The following PCSK1 variants were observed in gnomAD, a reference collection of about 807,000 sequenced individuals.
The protein encoded by PCSK1 is proprotein convertase subtilisin/kexin type 1.
Under a neutral mutation model 90.6 loss-of-function variants are expected in PCSK1, and 56 were observed. That is an observed-to-expected ratio of 0.62 (90% CI 0.50 to 0.77). The LOEUF is 0.77. Ranked by LOEUF, PCSK1 falls within the 30% of genes least tolerant of loss-of-function variation. The probability of loss-of-function intolerance (pLI) is 0.00; values close to 1 mark genes in which losing one functional copy is unlikely to be tolerated. For missense variants in PCSK1, 801 were observed against 932.6 expected (o/e 0.86, Z 1.84); for synonymous variants, 348 against 342.4 (o/e 1.02, Z -0.18).
intron 9 of PCSK1, among the ~76,000 whole-genome samples, chr5:96,401,989 C>T (rs1760392491): frequency 6.6e-6 from 1 of 152,158 alleles, no homozygotes; most frequent in South Asian, 2.1e-4. Context: ...CTGTATTGTT[C>T]CCTGAAGCCA....
At chr5:96,416,949 C>A (rs114099619) in intron 5 of PCSK1, among the ~76,000 whole-genome samples, 1 of 152,156 alleles carries the variant, frequency 6.6e-6, no homozygotes, top group Non-Finnish European at 1.5e-5. Context: ...GGAGGGCCAA[C>A]AAGCCAAAAG....
At chr5:96,426,431 A>T (rs1761309458) in intron 2 of PCSK1, among the ~76,000 whole-genome samples, 1 of 152,126 alleles carries the variant, frequency 6.6e-6, no homozygotes, top group Admixed American at 6.5e-5. Context: ...TATCCATGCA[A>T]ATTTGAAACT....
chr5:96,411,700 G>A (rs1760759390), intron 7 of PCSK1, among the ~76,000 whole-genome samples: 1 of 152,118 alleles, frequency 6.6e-6, no homozygotes, highest in Non-Finnish European at 1.5e-5. Context: ...AAAAGCAGCA[G>A]GAAAATGAGT....
intron 9 of PCSK1, among the ~76,000 whole-genome samples, chr5:96,404,534 T>C (rs1212645545): frequency 1.3e-5 from 2 of 152,238 alleles, no homozygotes; most frequent in Non-Finnish European, 2.9e-5. Flanking sequence ...TCTGGCTATA[T>C]AACATTTAAC....
At position 96,410,856 on chromosome 5, in the gene PCSK1, C is replaced by G. The variant is rs771947876; in HGVS notation, c.1013G>C (p.Gly338Ala). Residue 338 changes from glycine to alanine, a missense_variant, in exon 8 of 14, where the codon GGC (glycine) becomes GCC (alanine). Transcript: ENST00000311106. ...CTTCTCAGCGTACCAGGGGGATAGG[C>G]CTTGCTGGGAGGCACTGCTGATGGA... ...TISISSASQQ[G>A]LSPWYAEKCS... The G allele has an allele frequency of 1.2e-6, 2 of 1,613,938 alleles. No individual in the cohort carries two copies. Among genetic ancestry groups the G allele is most frequent in the Non-Finnish European group, 1.7e-6 (2 of 1,179,948 alleles).
intron 6 of PCSK1, among the ~76,000 whole-genome samples, chr5:96,412,752 G>GTTTTTTTTTTTTTGTTTTTTTT (rs1554058734): frequency 9.7e-5 from 7 of 71,832 alleles, no homozygotes; most frequent in African/African-American, 6.3e-4. Context: ...CAGCTGTGAT[G>GTTTTTTTTTTTTTGTTTTTTTT]TTTTTTTTTT....
At chr5:96,427,349 T>C (rs1761341811) in intron 2 of PCSK1, among the ~76,000 whole-genome samples, 1 of 152,172 alleles carries the variant, frequency 6.6e-6, no homozygotes, top group Non-Finnish European at 1.5e-5. Flanking sequence ...GGCTGAATGG[T>C]ATAGAGGAAA....
rs149328976 is a variant in PCSK1 at position 96,420,396 on chromosome 5, C to T, written c.620+1484G>A. Among the ~76,000 whole-genome samples the T allele has an allele frequency of 2.0e-4, 31 of 152,282 alleles. No individual in the cohort carries two copies. In the East Asian group the frequency reaches 3.3e-3, roughly 16 times the overall value. On this transcript the variant is annotated intron_variant, in intron 5 of 13. Coordinates refer to ENST00000311106, the MANE Select transcript of PCSK1 (RefSeq NM_000439.5). ...TGTCTGAGGGTCTGCTGTAAGCTCT[C>T]GAAACACTCCCACTTTGCTCCAAAG...
At chr5:96,399,079 A>T in intron 10 of PCSK1, 43 bp from the exon 11 acceptor site, 1 of 1,464,306 alleles carries the variant, frequency 6.8e-7, no homozygotes, top group East Asian at 2.3e-5. Flanking sequence ...GTATATCCAA[A>T]CTTCCTTGCA....
At chr5:96,423,073 C>T (rs1351589158) in intron 4 of PCSK1, among the ~76,000 whole-genome samples, 4 of 152,186 alleles carry the variant, frequency 2.6e-5, no homozygotes. Flanking sequence ...GGCACTGCCC[C>T]TTCTTCTCCC....
intron 4 of PCSK1, among the ~76,000 whole-genome samples, chr5:96,422,489 C>T (rs1287832652): frequency 6.6e-6 from 1 of 152,176 alleles, no homozygotes; most frequent in Non-Finnish European, 1.5e-5. Flanking sequence ...AGACAAGCTT[C>T]CAGGCTCCAC....
At chr5:96,425,056 GAAAGAAAGAA>G (rs1023931372) in intron 3 of PCSK1, among the ~76,000 whole-genome samples, 20 of 120,526 alleles carry the variant, frequency 1.7e-4, no homozygotes, top group African/African-American at 5.7e-4. Flanking sequence ...AAGAAAGAAA[GAAAGAAAGAA>G]AGAAAGAAAA....
intron 9 of PCSK1, among the ~76,000 whole-genome samples, chr5:96,401,043 T>G (rs1271479013): frequency 8.1e-6 from 1 of 123,448 alleles, no homozygotes; most frequent in Non-Finnish European, 1.6e-5. Context: ...GCCAAGATTG[T>G]GCCACTGCAA....
At chr5:96,419,210 T>C (rs1004068860) in intron 5 of PCSK1, among the ~76,000 whole-genome samples, 4 of 151,532 alleles carry the variant, frequency 2.6e-5, no homozygotes, top group Non-Finnish European at 5.9e-5. Flanking sequence ...CAAATCAATT[T>C]GTTTAAATGC....
intron 9 of PCSK1, among the ~76,000 whole-genome samples, chr5:96,403,194 A>T (rs1290684191): frequency 1.3e-5 from 2 of 152,178 alleles, no homozygotes; most frequent in Non-Finnish European, 2.9e-5. Context: ...TGTTTTAAAA[A>T]TTTCCTTTAT....
chr5:96,406,066 T>C (rs1760549632), intron 9 of PCSK1, among the ~76,000 whole-genome samples: 1 of 152,192 alleles, frequency 6.6e-6, no homozygotes, highest in African/African-American at 2.4e-5. Context: ...CCCTCATCAC[T>C]GACCCCAACA....
In PCSK1 at chr5:96,412,217, TC is replaced by T. The variant is rs968988793; in HGVS notation, c.882+100del. The T allele has an allele frequency of 2.9e-6, 3 of 1,040,772 alleles. No homozygotes were observed. In the African/African-American group the frequency reaches 4.8e-5, roughly 17 times the overall value. The allele number at this position is 1,040,772 out of a possible 1,614,324, so 64.5% of individuals were successfully genotyped here. ...AATTGTAAAGGACTTTGTTAAGAAA[TC>T]CACAACAATGTTATTCCATGTAACC... On this transcript the variant is annotated intron_variant, in intron 7 of 13. Transcript: ENST00000311106.
Position 96,397,243 on chromosome 5 carries a change from T to G in PCSK1, c.1722+93A>C, listed in dbSNP as rs190983186. On this transcript the variant is annotated intron_variant, in intron 12 of 13. Transcript: ENST00000311106. ...TCTACTAAGAAGGGGTACAATTCTT[T>G]AGGGCCCTAATTAATGATGAAATCA... is the stretch of plus-strand genomic sequence containing the variant. 2.2e-4 allele frequency: 235 copies of G among 1,091,118 alleles called. No homozygotes were observed. In the East Asian group the frequency reaches 5.2e-3, roughly 24 times the overall value. 67.6% of individuals were successfully genotyped at this position (1,091,118 alleles called of 1,614,324 possible). A position where few individuals can be genotyped will look rare whatever the true frequency, so the allele number is the denominator to read the frequency against.
At chr5:96,429,719 T>C (rs1761432467) in intron 1 of PCSK1, among the ~76,000 whole-genome samples, 1 of 152,210 alleles carries the variant, frequency 6.6e-6, no homozygotes, top group Admixed American at 6.5e-5. Flanking sequence ...CGGTTTTCTG[T>C]TCCTGTGTTA....
Sources: gnomAD v4.1 joint callset for allele counts (sites outside exome capture counted in the v4.1 genomes callset) on GRCh38, gnomAD v4.1.1 for gene constraint, MANE v1.5 for transcripts, NCBI Gene and HGNC (gene_info 2026-07-23, HGNC 2026-07-21) for gene names.